The following PLCB4 variants were observed in gnomAD, a reference collection of about 807,000 sequenced individuals.
The protein encoded by PLCB4 is 1-phosphatidylinositol 4,5-bisphosphate phosphodiesterase beta-4.
Under a neutral mutation model 178.8 loss-of-function variants are expected in PLCB4, and 77 were observed. That is an observed-to-expected ratio of 0.43 (90% CI 0.36 to 0.52). The LOEUF (loss-of-function observed/expected upper bound fraction) is 0.52. Ranked by LOEUF, PLCB4 falls within the 20% of genes least tolerant of loss-of-function variation. PLCB4 has a pLI of 0.00. For missense variants in PLCB4, 1,024 were observed against 1,453.4 expected (o/e 0.70, Z 4.80); for synonymous variants, 496 against 490.8 (o/e 1.01, Z -0.14).
At chr20:9,324,578 G>C (rs2030103159) in intron 4 of PLCB4, among the ~76,000 whole-genome samples, 1 of 152,154 alleles carries the variant, frequency 6.6e-6, no homozygotes, top group South Asian at 2.1e-4. Context: ...AGATGGAGAA[G>C]CCCTTCCCTC....
intron 3 of PLCB4, among the ~76,000 whole-genome samples, chr20:9,249,885 C>A (rs2094162422): frequency 6.6e-6 from 1 of 152,024 alleles, no homozygotes; most frequent in Admixed American, 6.6e-5. Context: ...TATATAGCAA[C>A]ACTGAAAGAA....
intron 3 of PLCB4, among the ~76,000 whole-genome samples, chr20:9,287,565 C>A (rs995026713): frequency 2.0e-4 from 30 of 152,108 alleles, no homozygotes; most frequent in African/African-American, 7.0e-4. Flanking sequence ...TTTTATATCC[C>A]ACTGCTTATC....
At chr20:9,408,118 T>G in intron 22 of PLCB4, 60 bp downstream of exon 22, 1 of 1,381,620 alleles carries the variant, frequency 7.2e-7, no homozygotes, top group Admixed American at 2.1e-5. Flanking sequence ...ATGGTGCTGA[T>G]GAGCTTTTAT....
rs115275181 is a variant in PLCB4 at position 9,468,956 on chromosome 20, A to T, written c.3350+284A>T. 9.1e-3 allele frequency among the ~76,000 whole-genome samples: 1,377 copies of T among 151,804 alleles called. 24 individuals carry two copies. The highest frequency in any genetic ancestry group is 0.032 in the African/African-American group (1,316 of 41,392). On this transcript the variant is annotated intron_variant, in intron 36 of 39. Coordinates refer to ENST00000378473, the MANE Select transcript of PLCB4 (RefSeq NM_001377142.1). ...GCATAAAATATGACATAATAATATA[A>T]TTCTTTTTTTTATTTTATTCATTTT...
chr20:9,447,617 G>T (rs2042493937), intron 32 of PLCB4, among the ~76,000 whole-genome samples: 1 of 152,244 alleles, frequency 6.6e-6, no homozygotes, highest in Admixed American at 6.5e-5. Flanking sequence ...TACATCAGAA[G>T]TGGGAGTGGA....
chr20:9,108,588 G>C (rs774366512), intron 2 of PLCB4, among the ~76,000 whole-genome samples: 4 of 151,526 alleles, frequency 2.6e-5, no homozygotes, highest in Non-Finnish European at 5.9e-5. Flanking sequence ...TGGAAATGAT[G>C]ATGATGATAA....
chr20:9,184,599 CAAAAA>C (rs56964078), intron 2 of PLCB4, among the ~76,000 whole-genome samples: 9,748 of 118,310 alleles, frequency 0.082, 723 homozygotes, highest in African/African-American at 0.2. Flanking sequence ...CATTGTGCCT[CAAAAA>C]AAAAAAAAAA....
chr20:9,114,562 T>C (rs2091712822), intron 2 of PLCB4, among the ~76,000 whole-genome samples: 1 of 152,170 alleles, frequency 6.6e-6, no homozygotes, highest in Admixed American at 6.5e-5. Context: ...CCCTAGCTTT[T>C]CCCCTTTTTC....
rs1291487221 is a variant in PLCB4, at chr20:9,384,068, G to A, written c.854-133G>A. ...TTATTTCATTCAAGTTCTGACAGAT[G>A]AAAGTTCTTGGGAAAGAGACTGTGA... On this transcript the variant is annotated intron_variant, in intron 13 of 39. Transcript: ENST00000378473. 4.5e-6 allele frequency: 3 copies of A among 668,944 alleles called. No individual in the cohort carries two copies. In the East Asian group the frequency reaches 7.9e-5, roughly 18 times the overall value. 41.4% of individuals were successfully genotyped at this position (668,944 alleles called of 1,614,324 possible). A position where few individuals can be genotyped will look rare whatever the true frequency, so the allele number is the denominator to read the frequency against.
intron 17 of PLCB4, 77 bp from the exon 18 acceptor site, chr20:9,393,511 C>A: frequency 1.0e-6 from 1 of 983,096 alleles, no homozygotes; most frequent in Non-Finnish European, 1.6e-6. Flanking sequence ...CCAGGCCTCC[C>A]AGGCTCCTCC....
chr20:9,082,253 C>T (rs1466507643), intron 1 of PLCB4, among the ~76,000 whole-genome samples: 1 of 152,032 alleles, frequency 6.6e-6, no homozygotes, highest in East Asian at 1.9e-4. Flanking sequence ...TTCAAAATGA[C>T]CTGCAAGTAC....
intron 3 of PLCB4, among the ~76,000 whole-genome samples, chr20:9,260,763 A>G (rs1165281584): frequency 1.3e-5 from 2 of 152,160 alleles, no homozygotes; most frequent in Non-Finnish European, 2.9e-5. Flanking sequence ...AGATGATCAT[A>G]GAATTATGAT....
intron 2 of PLCB4, among the ~76,000 whole-genome samples, chr20:9,169,158 A>G (rs2093022782): frequency 6.6e-6 from 1 of 152,116 alleles, no homozygotes. Flanking sequence ...GCTCCCTGTG[A>G]ATTTAAATAT....
Position 9,292,293 on chromosome 20 carries a change from A to G in PLCB4, c.-15-15507A>G, listed in dbSNP as rs192260450. On this transcript the variant is annotated intron_variant, in intron 3 of 39. Coordinates refer to ENST00000378473, the MANE Select transcript of PLCB4 (RefSeq NM_001377142.1). ...AAAAGAGATTTCCCTCTTGACATAT[A>G]TGATTCATGTTGGCGATGTTTTGCC... Among the ~76,000 whole-genome samples the G allele has an allele frequency of 3.5e-3, 526 of 152,338 alleles. 14 individuals are homozygous for G. Among genetic ancestry groups the G allele is most frequent in the Admixed American group, 0.033 (500 of 15,298 alleles).
At chr20:9,310,104 T>C (rs1000575199) in intron 4 of PLCB4, among the ~76,000 whole-genome samples, 1 of 152,162 alleles carries the variant, frequency 6.6e-6, no homozygotes, top group Non-Finnish European at 1.5e-5. Context: ...ACAGCCAGTT[T>C]AAAAAATAAT....
intron 30 of PLCB4, among the ~76,000 whole-genome samples, chr20:9,441,811 C>T (rs567569315): frequency 4.6e-5 from 7 of 152,038 alleles, no homozygotes; most frequent in African/African-American, 1.4e-4. Flanking sequence ...CTGGAGCAGA[C>T]GGCATTTGCT....
intron 1 of PLCB4, among the ~76,000 whole-genome samples, chr20:9,080,056 G>A (rs2090072830): frequency 6.6e-6 from 1 of 152,064 alleles, no homozygotes; most frequent in Non-Finnish European, 1.5e-5. Flanking sequence ...AAAATGTCAG[G>A]TACCTGGGGG....
intron 3 of PLCB4, among the ~76,000 whole-genome samples, chr20:9,228,167 C>G (rs947920640): frequency 6.6e-6 from 1 of 152,188 alleles, no homozygotes; most frequent in Non-Finnish European, 1.5e-5. Flanking sequence ...GCAGTGATAA[C>G]TAGACACTGT....
chr20:9,193,652 G>C (rs1480323241), intron 2 of PLCB4, among the ~76,000 whole-genome samples: 3 of 151,990 alleles, frequency 2.0e-5, no homozygotes, highest in Admixed American at 2.0e-4. Context: ...CTTGAAAAAA[G>C]ACCTATGTCT....
Sources: allele counts gnomAD v4.1 joint callset (sites outside exome capture counted in the v4.1 genomes callset), GRCh38; gene constraint gnomAD v4.1.1; transcripts MANE v1.5; gene names NCBI Gene and HGNC (gene_info 2026-07-23, HGNC 2026-07-21).